Variants in DOCK10 observed in about 807,000 individuals in gnomAD.
DOCK10 encodes dedicator of cytokinesis 10.
In DOCK10, 145 loss-of-function variants were observed where a neutral mutation model predicts 280.1. The ratio of observed to expected loss-of-function variants is 0.52; its 90% CI spans 0.45 to 0.59. The LOEUF is 0.59. Ranked by LOEUF, DOCK10 falls within the 20% of genes least tolerant of loss-of-function variation. DOCK10 has a pLI of 0.00. For missense variants in DOCK10, 2,368 were observed against 2,651.7 expected, an observed-to-expected ratio of 0.89 and a Z score of 2.35; for synonymous variants, 915 against 942.2, an observed-to-expected ratio of 0.97 and a Z score of 0.53.
At position 224,816,608 on chromosome 2, in the gene DOCK10, T is replaced by C; in HGVS notation, c.3364+9A>G. The C allele has an allele frequency of 6.5e-7, 1 of 1,548,128 alleles. No homozygotes were observed. The highest frequency in any genetic ancestry group is 8.9e-7 in the Non-Finnish European group (1 of 1,126,066). ...CAGGAACTGAGGAAAATTCTGGGAATTTTATTACCTGGAATGTTTGCTGAT... is the reference window on the plus strand; with the variant it reads ...CAGGAACTGAGGAAAATTCTGGGAACTTTATTACCTGGAATGTTTGCTGAT... On this transcript the variant is annotated intron_variant, in intron 30 of 55. Transcript: ENST00000258390.
intron 2 of DOCK10, 82 bp downstream of exon 2, chr2:224,931,467 C>T (rs1028159514): frequency 4.8e-6 from 7 of 1,465,712 alleles, no homozygotes; most frequent in Non-Finnish European, 6.4e-6. Context: ...GAGGCCTGGA[C>T]TCTCTGAATC....
rs1697366406 is a variant in DOCK10, at chr2:224,859,547, C to T, written c.1686-2565G>A. Among the ~76,000 whole-genome samples, 3 of 152,198 alleles carry T rather than the reference C, an allele frequency of 2.0e-5. No homozygotes were observed. In the South Asian group the frequency reaches 6.2e-4, roughly 32 times the overall value. On this transcript the variant is annotated intron_variant, in intron 14 of 55. Coordinates refer to ENST00000258390, the MANE Select transcript of DOCK10 (RefSeq NM_014689.3). ...CAGCTGGTGCCAAATATAAGAATAC[C>T]AAATTAATTTCAGAAAAAAATGTTG...
intron 1 of DOCK10, among the ~76,000 whole-genome samples, chr2:224,993,202 G>GTTTTT (rs112976099): frequency 1.3e-4 from 18 of 136,224 alleles, no homozygotes; most frequent in Non-Finnish European, 2.4e-4. Flanking sequence ...TTCTTTGGAA[G>GTTTTT]TTTTTTTTTT....
chr2:224,971,897 T>C (rs1705107634), intron 1 of DOCK10, among the ~76,000 whole-genome samples: 1 of 152,234 alleles, frequency 6.6e-6, no homozygotes, highest in African/African-American at 2.4e-5. Context: ...AATTTTTATA[T>C]TGATTACATG....
intron 1 of DOCK10, among the ~76,000 whole-genome samples, chr2:224,997,557 C>T (rs1575156391): frequency 1.3e-5 from 2 of 152,214 alleles, no homozygotes; most frequent in South Asian, 4.1e-4. Flanking sequence ...ACAGCAGCAC[C>T]ATTTTCCCTG....
At chr2:224,884,591 C>T (rs757920880) in intron 7 of DOCK10, among the ~76,000 whole-genome samples, 2 of 152,124 alleles carry the variant, frequency 1.3e-5, no homozygotes, top group African/African-American at 2.4e-5. Context: ...ATTCTGCTTC[C>T]CTTTGCCACA....
At chr2:224,897,384 C>G (rs540885633) in intron 3 of DOCK10, among the ~76,000 whole-genome samples, 1 of 152,260 alleles carries the variant, frequency 6.6e-6, no homozygotes, top group Admixed American at 6.5e-5. Context: ...TCCCCTCAAG[C>G]ATTTATCGTT....
intron 1 of DOCK10, among the ~76,000 whole-genome samples, chr2:224,944,275 A>G (rs1362411237): frequency 1.3e-5 from 2 of 152,250 alleles, no homozygotes; most frequent in Non-Finnish European, 2.9e-5. Context: ...GTTACCAAAA[A>G]AAGATTCCCA....
At chr2:224,776,643 AAAG>A (rs1168918772) in intron 51 of DOCK10, among the ~76,000 whole-genome samples, 1 of 152,168 alleles carries the variant, frequency 6.6e-6, no homozygotes, top group African/African-American at 2.4e-5. Context: ...AAAAAAAAAA[AAAG>A]AACTCTTCTG....
At chr2:224,974,147 A>AG (rs1212908461) in intron 1 of DOCK10, among the ~76,000 whole-genome samples, 5 of 152,198 alleles carry the variant, frequency 3.3e-5, no homozygotes. Flanking sequence ...CTGTAAGTGC[A>AG]GGGCAGCAGC....
chr2:224,857,646 A>C (rs575496224), intron 14 of DOCK10, among the ~76,000 whole-genome samples: 2 of 152,198 alleles, frequency 1.3e-5, no homozygotes, highest in Non-Finnish European at 2.9e-5. Flanking sequence ...TGTCCAAATA[A>C]TATAGTAATG....
At chr2:224,804,955 T>G in intron 37 of DOCK10, 103 bp downstream of exon 37, 1 of 1,244,262 alleles carries the variant, frequency 8.0e-7, no homozygotes, top group Non-Finnish European at 1.1e-6. Context: ...AGTTCATATA[T>G]TATTGATAAC....
intron 11 of DOCK10, among the ~76,000 whole-genome samples, chr2:224,866,723 T>A (rs888171274): frequency 1.3e-5 from 2 of 152,204 alleles, no homozygotes; most frequent in Non-Finnish European, 1.5e-5. Flanking sequence ...TTAATTAATT[T>A]ATTAATACAA....
intron 15 of DOCK10, among the ~76,000 whole-genome samples, chr2:224,855,905 G>A (rs1697101421): frequency 1.3e-5 from 2 of 152,056 alleles, no homozygotes; most frequent in East Asian, 1.9e-4. Context: ...AAACACAAAG[G>A]TAATAAGTAT....
intron 3 of DOCK10, among the ~76,000 whole-genome samples, chr2:224,913,885 G>A (rs1306198380): frequency 1.3e-4 from 19 of 151,910 alleles, no homozygotes; most frequent in East Asian, 3.9e-4. Context: ...CCGCCACCAC[G>A]TCTGGCTAAT....
At chr2:224,899,761 T>G (rs1203879000) in intron 3 of DOCK10, among the ~76,000 whole-genome samples, 4 of 151,794 alleles carry the variant, frequency 2.6e-5, no homozygotes, top group Non-Finnish European at 5.9e-5. Context: ...TATACCACCC[T>G]ATTTTGATTA....
At chr2:224,792,294 T>G (rs904167775) in intron 47 of DOCK10, among the ~76,000 whole-genome samples, 2 of 152,152 alleles carry the variant, frequency 1.3e-5, no homozygotes, top group Non-Finnish European at 2.9e-5. Flanking sequence ...TTTCTTTTTA[T>G]TTTTTTGGAG....
chr2:225,010,172 G>T (rs1689394385), intron 1 of DOCK10, among the ~76,000 whole-genome samples: 1 of 152,122 alleles, frequency 6.6e-6, no homozygotes, highest in Admixed American at 6.6e-5. Flanking sequence ...TCATCTGCCA[G>T]CAACCAAGCC....
At chr2:225,014,226 C>A (rs1348039667) in intron 1 of DOCK10, among the ~76,000 whole-genome samples, 1 of 150,938 alleles carries the variant, frequency 6.6e-6, no homozygotes, top group Non-Finnish European at 1.5e-5. Flanking sequence ...TTGATGATAT[C>A]ATCTGTTTTC....
Sources: allele counts gnomAD v4.1 joint callset (sites outside exome capture counted in the v4.1 genomes callset), GRCh38; gene constraint gnomAD v4.1.1; transcripts MANE v1.5; gene names NCBI Gene and HGNC (gene_info 2026-07-23, HGNC 2026-07-21).